Variants in WWOX observed in about 807,000 individuals in gnomAD.
The protein encoded by WWOX is WW domain-containing oxidoreductase.
A neutral mutation model predicts 46.2 loss-of-function variants in WWOX; 69 were observed. The ratio of observed to expected loss-of-function variants is 1.49; its 90% CI spans 1.23 to 1.82. The LOEUF is 1.82. WWOX is among the 40% of genes most tolerant of loss of function. The probability of loss-of-function intolerance (pLI) is 0.00; values close to 1 mark genes in which losing one functional copy is unlikely to be tolerated. For synonymous variants in WWOX, 359 were observed against 202.6 expected (o/e 1.77, Z -6.56); for missense variants, 919 against 542.6 (o/e 1.69, Z -6.89).
At chr16:79,038,818 G>C (rs752526682) in intron 8 of WWOX, among the ~76,000 whole-genome samples, 31 of 151,992 alleles carry the variant, frequency 2.0e-4, no homozygotes, top group African/African-American at 6.5e-4. Context: ...CCAAAGTGCT[G>C]GGATTACAAG....
chr16:78,105,526 G>C (rs2032084502), intron 1 of WWOX, among the ~76,000 whole-genome samples: 1 of 151,882 alleles, frequency 6.6e-6, no homozygotes, highest in African/African-American at 2.4e-5. Context: ...CCCTGATTCA[G>C]GCATGTTCTG....
intron 8 of WWOX, among the ~76,000 whole-genome samples, chr16:78,494,609 G>C (rs2084865529): frequency 6.6e-6 from 1 of 152,168 alleles, no homozygotes. Flanking sequence ...AGTCTTCTGT[G>C]TGAACCCCAC....
At chr16:78,831,976 T>C (rs75764200) in intron 8 of WWOX, among the ~76,000 whole-genome samples, 5,375 of 152,310 alleles carry the variant, frequency 0.035, 122 homozygotes, top group Non-Finnish European at 0.051. Context: ...CACTTTTGCC[T>C]GGATCCACTA....
At chr16:78,678,322 G>A (rs1021161709) in intron 8 of WWOX, among the ~76,000 whole-genome samples, 1 of 152,180 alleles carries the variant, frequency 6.6e-6, no homozygotes, top group African/African-American at 2.4e-5. Context: ...GCTGCAGTAG[G>A]GTATGAGCGG....
chr16:78,383,731 C>T (rs1032217364), intron 5 of WWOX, among the ~76,000 whole-genome samples: 3 of 152,184 alleles, frequency 2.0e-5, no homozygotes, highest in Admixed American at 6.5e-5. Flanking sequence ...TGTATTGCCT[C>T]CAGTTTCTCT....
intron 8 of WWOX, among the ~76,000 whole-genome samples, chr16:78,754,908 G>A (rs941065194): frequency 6.6e-6 from 1 of 152,012 alleles, no homozygotes; most frequent in Admixed American, 6.6e-5. Flanking sequence ...TATCTGCAGG[G>A]GTGGTACTGC....
chr16:78,299,237 T>A (rs8049354), intron 5 of WWOX, among the ~76,000 whole-genome samples: 275 of 152,232 alleles, frequency 1.8e-3, no homozygotes, highest in Middle Eastern at 6.8e-3. Context: ...CCGTAACATG[T>A]CTGTGTCACC....
chr16:78,308,495 A>T (rs1046784071), intron 5 of WWOX, among the ~76,000 whole-genome samples: 2 of 152,078 alleles, frequency 1.3e-5, no homozygotes, highest in Admixed American at 6.5e-5. Flanking sequence ...TTTCAACCCT[A>T]CTCTAGTATA....
chr16:79,144,479 A>G (rs190780049), intron 8 of WWOX, among the ~76,000 whole-genome samples: 53 of 152,296 alleles, frequency 3.5e-4, no homozygotes, highest in Non-Finnish European at 6.3e-4. Context: ...TGTCCATGAA[A>G]AGACCTGGCT....
intron 8 of WWOX, among the ~76,000 whole-genome samples, chr16:78,473,005 A>G (rs1378635248): frequency 6.6e-6 from 1 of 152,198 alleles, no homozygotes; most frequent in Non-Finnish European, 1.5e-5. Context: ...GCAGGAGAAC[A>G]TTTTTAAATT....
At chr16:78,548,644 A>G (rs1251146778) in intron 8 of WWOX, among the ~76,000 whole-genome samples, 2 of 152,198 alleles carry the variant, frequency 1.3e-5, no homozygotes, top group Non-Finnish European at 2.9e-5. Context: ...CCTTTCATGC[A>G]GTATTGTTCC....
At chr16:78,541,526 G>A (rs1168546583) in intron 8 of WWOX, among the ~76,000 whole-genome samples, 1 of 133,940 alleles carries the variant, frequency 7.5e-6, no homozygotes, top group Admixed American at 7.6e-5. Context: ...ACAGACAAAT[G>A]TTCTGACAGA....
intron 8 of WWOX, among the ~76,000 whole-genome samples, chr16:78,928,535 C>T (rs2045552830): frequency 6.6e-6 from 1 of 152,082 alleles, no homozygotes; most frequent in African/African-American, 2.4e-5. Context: ...TTTTCCCCTT[C>T]TGAAGTGAAT....
At chr16:78,807,712 C>G (rs888447967) in intron 8 of WWOX, among the ~76,000 whole-genome samples, 9 of 152,240 alleles carry the variant, frequency 5.9e-5, no homozygotes, top group Non-Finnish European at 1.0e-4. Flanking sequence ...AAACAACGTA[C>G]TGTTACATAA....
chr16:78,634,489 C>CT (rs2046516317), intron 8 of WWOX, among the ~76,000 whole-genome samples: 1 of 151,950 alleles, frequency 6.6e-6, no homozygotes, highest in Non-Finnish European at 1.5e-5. Flanking sequence ...GGGCAGATCA[C>CT]AAGGTCAGGA....
intron 8 of WWOX, among the ~76,000 whole-genome samples, chr16:79,075,186 C>T (rs2048631619): frequency 6.6e-6 from 1 of 152,188 alleles, no homozygotes; most frequent in Admixed American, 6.5e-5. Flanking sequence ...TAAGAGTCTG[C>T]ATTTGTATGA....
At chr16:78,151,830 G>T (rs1385564095) in intron 4 of WWOX, among the ~76,000 whole-genome samples, 2 of 152,124 alleles carry the variant, frequency 1.3e-5, no homozygotes, top group African/African-American at 2.4e-5. Flanking sequence ...ATCAATGTTG[G>T]CACCTGTTTA....
chr16:78,921,773 C>G (rs539492638), intron 8 of WWOX, among the ~76,000 whole-genome samples: 1 of 152,154 alleles, frequency 6.6e-6, no homozygotes, highest in Non-Finnish European at 1.5e-5. Context: ...AGTTAGAAGG[C>G]ATGATGCCCA....
chr16:78,361,857 C>A (rs1336611809), intron 5 of WWOX, among the ~76,000 whole-genome samples: 2 of 152,144 alleles, frequency 1.3e-5, no homozygotes, highest in Middle Eastern at 6.8e-3. Flanking sequence ...GGTGATCCTC[C>A]CACCTCGGAC....
Sources: allele counts gnomAD v4.1 joint callset (sites outside exome capture counted in the v4.1 genomes callset), GRCh38; gene constraint gnomAD v4.1.1; transcripts MANE v1.5; gene names NCBI Gene and HGNC (gene_info 2026-07-23, HGNC 2026-07-21).